The following TUSC3 variants were observed in gnomAD, a reference collection of about 807,000 sequenced individuals.
The protein encoded by TUSC3 is tumor suppressor candidate 3.
In TUSC3, 45 loss-of-function variants were observed where a neutral mutation model predicts 44.8. The ratio of observed to expected loss-of-function variants is 1.00; its 90% CI spans 0.79 to 1.29. The LOEUF (loss-of-function observed/expected upper bound fraction) is 1.29. Among genes scored for constraint, TUSC3 ranks in the 50% most tolerant of loss-of-function variants. The pLI, the probability that TUSC3 is intolerant of heterozygous loss-of-function variation, is 0.00. For synonymous variants in TUSC3, 212 were observed against 152.9 expected, an observed-to-expected ratio of 1.39 and a Z score of -2.85; for missense variants, 519 against 437.9, an observed-to-expected ratio of 1.19 and a Z score of -1.65.
At chr8:15,584,122 G>C (rs115981503) in intron 1 of TUSC3, among the ~76,000 whole-genome samples, 3,133 of 152,222 alleles carry the variant, frequency 0.021, 94 homozygotes, top group African/African-American at 0.07. Flanking sequence ...ATGTTTAATT[G>C]ATGTTAAACT....
intron 1 of TUSC3, among the ~76,000 whole-genome samples, chr8:15,619,140 T>G (rs1300337715): frequency 6.6e-6 from 1 of 152,356 alleles, no homozygotes; most frequent in South Asian, 2.1e-4. Flanking sequence ...TAGCCTAGTT[T>G]AAGTGAGAAA....
At chr8:15,791,753 G>C in the TUSC3 span, among the ~76,000 whole-genome samples, 2 of 152,070 alleles carry the variant, frequency 1.3e-5, no homozygotes, top group African/African-American at 2.4e-5. Flanking sequence ...AAAAATTACT[G>C]CTTTGACCTA....
At chr8:15,554,048 T>C (rs927947115) in intron 1 of TUSC3, among the ~76,000 whole-genome samples, 6 of 151,532 alleles carry the variant, frequency 4.0e-5, no homozygotes, top group African/African-American at 1.5e-4. Flanking sequence ...TGACCTCAGA[T>C]CCGTGTCTGG....
intron 2 of TUSC3, among the ~76,000 whole-genome samples, chr8:15,638,524 T>C (rs867995448): frequency 4.1e-4 from 54 of 130,350 alleles, no homozygotes; most frequent in East Asian, 6.5e-4. Context: ...TCTTTTTTTT[T>C]TTTTTTTTTT....
chr8:15,819,530 C>T, the TUSC3 span, among the ~76,000 whole-genome samples: 4 of 152,182 alleles, frequency 2.6e-5, no homozygotes, highest in Non-Finnish European at 5.9e-5. Context: ...GTCTACTAGA[C>T]TGTCCCCCTG....
At chr8:15,487,272 G>C (rs893813641) in intron 2 of TUSC3, among the ~76,000 whole-genome samples, 1 of 152,038 alleles carries the variant, frequency 6.6e-6, no homozygotes, top group East Asian at 1.9e-4. Context: ...ACATGCCATG[G>C]TGTTGGGTTT....
intron 1 of TUSC3, among the ~76,000 whole-genome samples, chr8:15,582,316 G>T (rs1396947053): frequency 6.6e-6 from 1 of 152,186 alleles, no homozygotes; most frequent in Non-Finnish European, 1.5e-5. Context: ...TTCCTGTTCA[G>T]CCATCTTCCT....
intron 2 of TUSC3, among the ~76,000 whole-genome samples, chr8:15,505,553 T>C (rs1269757879): frequency 2.0e-5 from 3 of 152,226 alleles, no homozygotes; most frequent in African/African-American, 4.8e-5. Flanking sequence ...TCCGATTCCA[T>C]AGTTTCCTTT....
the TUSC3 span, among the ~76,000 whole-genome samples, chr8:15,784,970 C>T: frequency 6.6e-6 from 1 of 151,696 alleles, no homozygotes; most frequent in Non-Finnish European, 1.5e-5. Flanking sequence ...GATCATGCCA[C>T]AATACATACA....
intron 2 of TUSC3, among the ~76,000 whole-genome samples, chr8:15,510,820 C>T (rs1185137146): frequency 6.6e-6 from 1 of 151,720 alleles, no homozygotes; most frequent in Non-Finnish European, 1.5e-5. Context: ...TGGACACAAA[C>T]ATTCGAAACA....
At chr8:15,426,590 G>C (rs1799807215) in intron 1 of TUSC3, among the ~76,000 whole-genome samples, 4 of 152,114 alleles carry the variant, frequency 2.6e-5, no homozygotes, top group African/African-American at 9.7e-5. Flanking sequence ...TCTTTTTCAA[G>C]ACTGAATAAT....
At chr8:15,471,940 C>G (rs1396182178) in intron 1 of TUSC3, among the ~76,000 whole-genome samples, 1 of 152,072 alleles carries the variant, frequency 6.6e-6, no homozygotes, top group African/African-American at 2.4e-5. Flanking sequence ...GATTTAACAT[C>G]ATAGTTGAAT....
At chr8:15,697,997 C>G (rs765446893) in intron 6 of TUSC3, among the ~76,000 whole-genome samples, 8 of 152,078 alleles carry the variant, frequency 5.3e-5, no homozygotes, top group African/African-American at 7.2e-5. Context: ...TTGGTTTACC[C>G]CAAACTGTGT....
intron 1 of TUSC3, among the ~76,000 whole-genome samples, chr8:15,456,739 T>C (rs970504522): frequency 2.0e-5 from 3 of 152,046 alleles, no homozygotes; most frequent in African/African-American, 7.2e-5. Flanking sequence ...TTAAAAATAA[T>C]TTTGGATGGA....
At chr8:15,759,805 A>G (rs17674926) in intron 10 of TUSC3, among the ~76,000 whole-genome samples, 3,322 of 152,192 alleles carry the variant, frequency 0.022, 111 homozygotes, top group East Asian at 0.14. Flanking sequence ...TACCACATTA[A>G]CAGTTCACCT....
chr8:15,430,363 A>G (rs1402370664), intron 1 of TUSC3, among the ~76,000 whole-genome samples: 1 of 150,596 alleles, frequency 6.6e-6, no homozygotes, highest in African/African-American at 2.5e-5. Context: ...TATAAACAGA[A>G]CCAAAGACAA....
At chr8:15,796,064 G>A in the TUSC3 span, among the ~76,000 whole-genome samples, 3 of 151,808 alleles carry the variant, frequency 2.0e-5, no homozygotes, top group Non-Finnish European at 4.4e-5. Context: ...TAAGCTGTTT[G>A]TTCAGCTTCT....
intron 1 of TUSC3, among the ~76,000 whole-genome samples, chr8:15,472,865 G>A (rs1563260130): frequency 6.6e-6 from 1 of 152,142 alleles, no homozygotes; most frequent in Non-Finnish European, 1.5e-5. Context: ...TGTTTATGGT[G>A]GAATATACTG....
chr8:15,490,114 G>A (rs1160776205), intron 2 of TUSC3, among the ~76,000 whole-genome samples: 1 of 152,120 alleles, frequency 6.6e-6, no homozygotes, highest in Non-Finnish European at 1.5e-5. Flanking sequence ...TTGTTAGTTT[G>A]ATTTGGTTTT....
Sources: allele counts gnomAD v4.1 joint callset (sites outside exome capture counted in the v4.1 genomes callset), GRCh38; gene constraint gnomAD v4.1.1; transcripts MANE v1.5; gene names NCBI Gene and HGNC (gene_info 2026-07-23, HGNC 2026-07-21).